PRKG1: variants seen among roughly 807,000 people sequenced by gnomAD.
PRKG1 encodes cGMP-dependent protein kinase 1.
A neutral mutation model predicts 88.1 loss-of-function variants in PRKG1; 35 were observed. The ratio of observed to expected loss-of-function variants is 0.40; its 90% CI spans 0.30 to 0.53. The LOEUF (loss-of-function observed/expected upper bound fraction) is 0.53, where lower values mean the gene tolerates loss of function less well. PRKG1 is among the 20% of genes least tolerant of loss of function. The pLI is 0.59. For synonymous variants in PRKG1, 303 were observed against 292.5 expected, an observed-to-expected ratio of 1.04 and a Z score of -0.37; for missense variants, 540 against 839.8, an observed-to-expected ratio of 0.64 and a Z score of 4.41.
intron 3 of PRKG1, among the ~76,000 whole-genome samples, chr10:51,788,223 A>C (rs1207546152): frequency 1.3e-5 from 2 of 152,168 alleles, no homozygotes; most frequent in African/African-American, 2.4e-5. Context: ...AATAAGGATG[A>C]TCAGTTTTCA....
At chr10:51,576,006 A>G (rs1837876504) in intron 3 of PRKG1, among the ~76,000 whole-genome samples, 1 of 151,988 alleles carries the variant, frequency 6.6e-6, no homozygotes, top group African/African-American at 2.4e-5. Flanking sequence ...ATATTATAAC[A>G]ATTAATATTC....
chr10:51,969,228 G>A lies in PRKG1; in HGVS notation c.762+61658G>A, dbSNP rs865975891. 3.3e-5 allele frequency among the ~76,000 whole-genome samples: 5 copies of A among 152,144 alleles called. No homozygotes were observed. The South Asian group carries it at 8.3e-4, about 25-fold the overall frequency. On this transcript the variant is annotated intron_variant, in intron 5 of 17. Coordinates refer to ENST00000373980, the MANE Select transcript of PRKG1 (RefSeq NM_006258.4). The stretch of plus-strand genomic sequence containing the variant: ...TCAGTAGCAAATGCAAAACCAGGCT[G>A]AAGAAGTCTACTCAATTTCTGGCAT...
intron 3 of PRKG1, among the ~76,000 whole-genome samples, chr10:51,529,617 G>A (rs1841967278): frequency 6.6e-6 from 1 of 151,942 alleles, no homozygotes; most frequent in African/African-American, 2.4e-5. Flanking sequence ...TAGCACTCAG[G>A]TTTCTGCACA....
intron 9 of PRKG1, among the ~76,000 whole-genome samples, chr10:52,244,633 A>C (rs12218397): frequency 0.52 from 76,303 of 146,976 alleles, 21,547 homozygotes; most frequent in East Asian, 0.8. Flanking sequence ...TACTTTCTCT[A>C]TATATAGGTA....
chr10:51,918,827 C>G (rs1842399711), intron 5 of PRKG1, among the ~76,000 whole-genome samples: 1 of 148,240 alleles, frequency 6.7e-6, no homozygotes, highest in Admixed American at 6.8e-5. Context: ...ATAAATTGCC[C>G]TGACCCAAGA....
intron 2 of PRKG1, among the ~76,000 whole-genome samples, chr10:51,293,516 C>A (rs1410132268): frequency 6.6e-6 from 1 of 152,230 alleles, no homozygotes; most frequent in East Asian, 1.9e-4. Context: ...AACTTAATGT[C>A]CTCCAGGTTC....
chr10:51,833,505 G>T (rs7920824), intron 4 of PRKG1, among the ~76,000 whole-genome samples: 31,797 of 152,002 alleles, frequency 0.21, 5,347 homozygotes, highest in African/African-American at 0.47. Flanking sequence ...TTTCCAAGGT[G>T]ACACATTTAT....
chr10:51,135,139 G>A (rs1343073440), intron 1 of PRKG1, among the ~76,000 whole-genome samples: 2 of 152,116 alleles, frequency 1.3e-5, no homozygotes, highest in South Asian at 2.1e-4. Flanking sequence ...AACCTAAAAG[G>A]AGTTAATTCA....
At chr10:51,151,320 A>G (rs2131971816) in intron 1 of PRKG1, among the ~76,000 whole-genome samples, 1 of 152,102 alleles carries the variant, frequency 6.6e-6, no homozygotes, top group African/African-American at 2.4e-5. Flanking sequence ...GGTAATTATA[A>G]GGAGGGGTGA....
intron 5 of PRKG1, among the ~76,000 whole-genome samples, chr10:52,002,255 T>C (rs929550613): frequency 2.6e-5 from 4 of 152,130 alleles, no homozygotes; most frequent in African/African-American, 9.6e-5. Context: ...GCAAATTCTG[T>C]TTATTATTAG....
At chr10:51,943,000 G>T (rs1394966792) in intron 5 of PRKG1, among the ~76,000 whole-genome samples, 5 of 152,002 alleles carry the variant, frequency 3.3e-5, no homozygotes, top group Non-Finnish European at 5.9e-5. Context: ...CAAGTCATTG[G>T]TAGCTTGATG....
intron 7 of PRKG1, among the ~76,000 whole-genome samples, chr10:52,085,465 T>C (rs1464397716): frequency 6.6e-6 from 1 of 152,126 alleles, no homozygotes; most frequent in East Asian, 1.9e-4. Flanking sequence ...TTACTTTGAT[T>C]CTCAAATTGT....
intron 4 of PRKG1, among the ~76,000 whole-genome samples, chr10:51,828,023 A>G (rs940751094): frequency 6.6e-6 from 1 of 152,174 alleles, no homozygotes; most frequent in African/African-American, 2.4e-5. Flanking sequence ...TGGAAGATAT[A>G]TCTCTGAATT....
intron 2 of PRKG1, among the ~76,000 whole-genome samples, chr10:51,254,590 T>G (rs1053371775): frequency 6.6e-6 from 1 of 152,082 alleles, no homozygotes; most frequent in African/African-American, 2.4e-5. Flanking sequence ...AATGCAAAAT[T>G]AATTAATTCC....
intron 5 of PRKG1, among the ~76,000 whole-genome samples, chr10:52,012,904 A>G (rs1433742411): frequency 6.6e-6 from 1 of 152,210 alleles, no homozygotes; most frequent in East Asian, 1.9e-4. Flanking sequence ...CCATGTGGTA[A>G]TTATTATACT....
intron 7 of PRKG1, among the ~76,000 whole-genome samples, chr10:52,070,920 G>A (rs1232245369): frequency 2.0e-5 from 3 of 152,154 alleles, no homozygotes; most frequent in South Asian, 4.1e-4. Flanking sequence ...TTTATGAAAT[G>A]TGTGATCTTG....
At chr10:51,674,735 AT>A (rs1204848560) in intron 3 of PRKG1, among the ~76,000 whole-genome samples, 1 of 152,182 alleles carries the variant, frequency 6.6e-6, no homozygotes, top group Admixed American at 6.5e-5. Context: ...CGAGGTGACA[AT>A]TTGGATGAAC....
chr10:51,234,430 T>A (rs1040715478), intron 2 of PRKG1, among the ~76,000 whole-genome samples: 2 of 152,050 alleles, frequency 1.3e-5, no homozygotes, highest in Non-Finnish European at 2.9e-5. Context: ...TCCCTACAAA[T>A]TTTTTTTAGA....
At chr10:51,457,985 A>G (rs1193528213) in intron 2 of PRKG1, among the ~76,000 whole-genome samples, 1 of 152,152 alleles carries the variant, frequency 6.6e-6, no homozygotes, top group Non-Finnish European at 1.5e-5. Context: ...AAATAAGTTT[A>G]AAAGCATTCT....
Sources: allele counts gnomAD v4.1 joint callset (sites outside exome capture counted in the v4.1 genomes callset), GRCh38; gene constraint gnomAD v4.1.1; transcripts MANE v1.5; gene names NCBI Gene and HGNC (gene_info 2026-07-23, HGNC 2026-07-21).